Variants in LRIG3 observed in about 807,000 individuals in gnomAD.
LRIG3 encodes leucine rich repeats and immunoglobulin like domains 3.
In LRIG3, 76 loss-of-function variants were observed where a neutral mutation model predicts 114.5. The ratio of observed to expected loss-of-function variants is 0.66; its 90% CI spans 0.55 to 0.80. The LOEUF (loss-of-function observed/expected upper bound fraction) is 0.80, where lower values mean the gene tolerates loss of function less well. Ranked by LOEUF, LRIG3 falls within the 30% of genes least tolerant of loss-of-function variation. LRIG3 has a pLI of 0.00. For synonymous variants in LRIG3, 512 were observed against 519.8 expected, an observed-to-expected ratio of 0.98 and a Z score of 0.20; for missense variants, 1,239 against 1,382.8, an observed-to-expected ratio of 0.90 and a Z score of 1.65.
chr12:58,899,507 G>A (rs565541568), intron 3 of LRIG3, among the ~76,000 whole-genome samples: 6 of 150,866 alleles, frequency 4.0e-5, no homozygotes, highest in Non-Finnish European at 8.9e-5. Flanking sequence ...TAAAGTGTCT[G>A]GTACTGTATT....
chr12:58,912,783 G>A (rs1174168755), intron 3 of LRIG3, among the ~76,000 whole-genome samples: 1 of 152,190 alleles, frequency 6.6e-6, no homozygotes, highest in Non-Finnish European at 1.5e-5. Context: ...AGATGTTTAC[G>A]ATACCAAAAC....
chr12:58,873,575 C>T (rs906088471), intron 18 of LRIG3: 1 of 168,806 alleles, frequency 5.9e-6, no homozygotes, highest in Non-Finnish European at 1.3e-5. Flanking sequence ...GACCTTAAGG[C>T]TGGTTTTCTT....
chr12:58,897,773 A>T (rs1482743619), intron 3 of LRIG3, among the ~76,000 whole-genome samples: 1 of 152,214 alleles, frequency 6.6e-6, no homozygotes, highest in Non-Finnish European at 1.5e-5. Flanking sequence ...AATCTGAAGT[A>T]ATTTATGTAC....
At chr12:58,888,656 AATTATCGATCAC>A (rs1438688537) in intron 6 of LRIG3, among the ~76,000 whole-genome samples, 151 bp downstream of exon 6, 1 of 152,160 alleles carries the variant, frequency 6.6e-6, no homozygotes, top group Non-Finnish European at 1.5e-5. Flanking sequence ...GGTACTTATA[AATTATCGATCAC>A]ATTACCTGAA....
chr12:58,913,966 G>A lies in LRIG3; in HGVS notation c.383+16C>T, dbSNP rs202001869. ...CCTGCAAACATACATGAGGAATTCTGCTGATATTCACTTACAAGGAGAGAA... is the reference window on the plus strand; with the variant it reads ...CCTGCAAACATACATGAGGAATTCTACTGATATTCACTTACAAGGAGAGAA... On this transcript the variant is annotated intron_variant, in intron 3 of 18. Coordinates refer to ENST00000320743, the MANE Select transcript of LRIG3 (RefSeq NM_153377.5). 1.8e-4 allele frequency: 289 copies of A among 1,604,272 alleles called. 1 individual carries two copies. In the African/African-American group the frequency reaches 3.5e-3, roughly 19 times the overall value.
chr12:58,909,437 A>T (rs989277150), intron 3 of LRIG3, among the ~76,000 whole-genome samples: 1 of 151,756 alleles, frequency 6.6e-6, no homozygotes, highest in African/African-American at 2.4e-5. Flanking sequence ...TCTTTTCTTC[A>T]TTTATTTTTC....
At chr12:58,886,913 C>T in intron 8 of LRIG3, 23 bp from the exon 9 acceptor site, 1 of 1,593,542 alleles carries the variant, frequency 6.3e-7, no homozygotes, top group Non-Finnish European at 8.6e-7. Flanking sequence ...GAAGCATTCC[C>T]TTTAGAGTGA....
intron 3 of LRIG3, among the ~76,000 whole-genome samples, chr12:58,894,717 A>G (rs1015137538): frequency 6.6e-6 from 1 of 152,248 alleles, no homozygotes; most frequent in East Asian, 1.9e-4. Context: ...TTGAACAAAA[A>G]CAAAACTCTG....
chr12:58,880,327 A>T, intron 13 of LRIG3: 1 of 622,482 alleles, frequency 1.6e-6, no homozygotes. Flanking sequence ...AAAGAAAAAA[A>T]AAAGAGCAAA....
intron 3 of LRIG3, among the ~76,000 whole-genome samples, chr12:58,902,380 T>C (rs1484560330): frequency 6.6e-6 from 1 of 152,146 alleles, no homozygotes; most frequent in Non-Finnish European, 1.5e-5. Context: ...ATGTCTACTA[T>C]GTTTATCCTA....
chr12:58,894,532 CT>C (rs1194485129), intron 3 of LRIG3, among the ~76,000 whole-genome samples: 1 of 151,394 alleles, frequency 6.6e-6, no homozygotes, highest in African/African-American at 2.4e-5. Flanking sequence ...ATCTAGAATC[CT>C]AAAAAAAAAA....
chr12:58,874,711 C>T (rs1870859460), intron 16 of LRIG3, 138 bp from the exon 17 acceptor site: 1 of 1,088,188 alleles, frequency 9.2e-7, no homozygotes, highest in Non-Finnish European at 1.3e-6. Context: ...CAAAAATTTA[C>T]AGTAGGGTTT....
At chr12:58,914,457 G>T in intron 1 of LRIG3, 121 bp from the exon 2 acceptor site, 2 of 711,634 alleles carry the variant, frequency 2.8e-6, no homozygotes, top group Non-Finnish European at 4.5e-6. Flanking sequence ...GGTCTATTCT[G>T]TCCACAAACT....
intron 3 of LRIG3, among the ~76,000 whole-genome samples, chr12:58,892,828 C>G (rs9804747): frequency 1.3e-5 from 2 of 152,092 alleles, no homozygotes; most frequent in South Asian, 4.1e-4. Flanking sequence ...GCTCAAAGAA[C>G]AAGTCTGATT....
chr12:58,914,754 C>A (rs964356237), intron 1 of LRIG3, among the ~76,000 whole-genome samples: 11 of 152,324 alleles, frequency 7.2e-5, no homozygotes, highest in African/African-American at 1.4e-4. Context: ...ATTTAAGCAT[C>A]AATGTCCTTA....
At position 58,872,261 on chromosome 12, in the gene LRIG3, T is replaced by C. The variant is rs892310828; in HGVS notation, c.*311A>G. ...TTATTTAAAATGCTTTAGTAACTCATTTTCCATAAAAAGAAATCTGGCATT... is the reference window on the plus strand; with the variant it reads ...TTATTTAAAATGCTTTAGTAACTCACTTTCCATAAAAAGAAATCTGGCATT... On this transcript the variant is annotated 3_prime_UTR_variant, in exon 19 of 19. Coordinates refer to ENST00000320743, the MANE Select transcript of LRIG3 (RefSeq NM_153377.5). 5.8e-6 allele frequency: 1 copy of C among 173,054 alleles called. No individual in the cohort carries two copies. Among genetic ancestry groups the C allele is most frequent in the Non-Finnish European group, 1.2e-5 (1 of 82,192 alleles). 10.7% of individuals were successfully genotyped at this position (173,054 alleles called of 1,614,324 possible). A position where few individuals can be genotyped will look rare whatever the true frequency, so the allele number is the denominator to read the frequency against.
intron 8 of LRIG3, among the ~76,000 whole-genome samples, chr12:58,887,314 T>C (rs1871308691): frequency 6.6e-6 from 1 of 152,160 alleles, no homozygotes; most frequent in Non-Finnish European, 1.5e-5. Flanking sequence ...CAAAAGCCCA[T>C]TGCACAACCT....
At chr12:58,911,264 T>C (rs1303446716) in intron 3 of LRIG3, among the ~76,000 whole-genome samples, 1 of 152,210 alleles carries the variant, frequency 6.6e-6, no homozygotes, top group Admixed American at 6.5e-5. Context: ...TCTCTGGACA[T>C]GCGGTACCCT....
chr12:58,913,892 T>C (rs76821508), intron 3 of LRIG3, 90 bp downstream of exon 3: 25,571 of 1,142,074 alleles, frequency 0.022, 678 homozygotes, highest in Admixed American at 0.1. Context: ...TTCCATTTTT[T>C]TCTTCTAAGA....
Sources: allele counts gnomAD v4.1 joint callset (sites outside exome capture counted in the v4.1 genomes callset), GRCh38; gene constraint gnomAD v4.1.1; transcripts MANE v1.5; gene names NCBI Gene and HGNC (gene_info 2026-07-23, HGNC 2026-07-21).